Variants in COL13A1 observed in about 807,000 individuals in gnomAD.
The protein encoded by COL13A1 is collagen type XIII alpha 1 chain.
A neutral mutation model predicts 130.9 loss-of-function variants in COL13A1; 89 were observed. The observed-to-expected ratio is 0.68, with a 90% confidence interval of 0.57 to 0.81. The LOEUF is 0.81. COL13A1 is among the 30% of genes least tolerant of loss of function. The pLI is 0.00. For missense variants in COL13A1, 879 were observed against 934.6 expected (o/e 0.94, Z 0.78); for synonymous variants, 402 against 341.6 (o/e 1.18, Z -1.95).
intron 2 of COL13A1, among the ~76,000 whole-genome samples, chr10:69,857,958 A>C (rs933751921): frequency 1.3e-5 from 2 of 152,052 alleles, no homozygotes; most frequent in African/African-American, 4.8e-5. Context: ...TCTACTAAAA[A>C]TACAAAAAAT....
intron 1 of COL13A1, among the ~76,000 whole-genome samples, chr10:69,805,015 G>A (rs1249041945): frequency 6.6e-6 from 1 of 152,112 alleles, no homozygotes; most frequent in African/African-American, 2.4e-5. Context: ...CTTGTTCTAA[G>A]GGGACAAACG....
chr10:69,956,898 T>C (rs1434782734), intron 39 of COL13A1, 106 bp from the exon 40 acceptor site: 1 of 836,324 alleles, frequency 1.2e-6, no homozygotes, highest in Non-Finnish European at 2.1e-6. Context: ...GTGGGCCACA[T>C]CCTGATCAGC....
At chr10:69,890,125 G>A (rs1421562909) in intron 10 of COL13A1, among the ~76,000 whole-genome samples, 1 of 152,094 alleles carries the variant, frequency 6.6e-6, no homozygotes, top group East Asian at 1.9e-4. Context: ...AAAAGGTGGA[G>A]AGACAACATT....
chr10:69,858,115 C>CAAAAAAAAAAAAAAAAAAAA (rs573668102), intron 2 of COL13A1, among the ~76,000 whole-genome samples: 1 of 80,384 alleles, frequency 1.2e-5, no homozygotes, highest in Non-Finnish European at 2.2e-5. Flanking sequence ...GACTCCGTCT[C>CAAAAAAAAAAAAAAAAAAAA]AAAAAAAAAA....
At chr10:69,942,116 G>A (rs118180761) in intron 35 of COL13A1, among the ~76,000 whole-genome samples, 10 of 152,300 alleles carry the variant, frequency 6.6e-5, no homozygotes, top group East Asian at 3.9e-4. Flanking sequence ...ACTTGCAACC[G>A]GCACCAAGAG....
At position 69,802,292 on chromosome 10, in the gene COL13A1, A is replaced by T; in HGVS notation, c.-132A>T. On this transcript the variant is annotated 5_prime_UTR_variant, in exon 1 of 41. Coordinates refer to ENST00000645393, the MANE Select transcript of COL13A1 (RefSeq NM_001368882.1). ...TTTTTCCGTCCTCTTTGCCGGGAGC[A>T]GCGGAAAGGGACGTTTTCCAGCGAT... is the stretch of plus-strand genomic sequence containing the variant. 3.7e-6 allele frequency: 4 copies of T among 1,090,484 alleles called. No homozygotes were observed. The highest frequency in any genetic ancestry group is 4.8e-6 in the Non-Finnish European group (4 of 828,068). 67.6% of individuals were successfully genotyped at this position (1,090,484 alleles called of 1,614,324 possible).
chr10:69,853,023 G>A (rs949071418), intron 2 of COL13A1, among the ~76,000 whole-genome samples: 8 of 152,124 alleles, frequency 5.3e-5, no homozygotes, highest in Non-Finnish European at 1.0e-4. Flanking sequence ...GGAGCGGGGG[G>A]AGGTATGGGG....
chr10:69,891,538 A>G (rs2061170852), intron 10 of COL13A1, among the ~76,000 whole-genome samples: 2 of 152,154 alleles, frequency 1.3e-5, no homozygotes, highest in African/African-American at 4.8e-5. Context: ...CCTCTCCATC[A>G]CAGCTGCCTC....
At position 69,863,765 on chromosome 10, in the gene COL13A1, T is replaced by C. The variant is rs73267782; in HGVS notation, c.365-4033T>C. Among the ~76,000 whole-genome samples, 836 of 152,214 alleles carry C rather than the reference T, an allele frequency of 5.5e-3. 12 individuals are homozygous for C. Among genetic ancestry groups the C allele is most frequent in the African/African-American group, 0.019 (795 of 41,522 alleles). ...CCAAATTCAAATCCAGGCCCTACCATATGGAAATAAAAGTTAAACAATCAA... is the reference window on the plus strand; with the variant it reads ...CCAAATTCAAATCCAGGCCCTACCACATGGAAATAAAAGTTAAACAATCAA... On this transcript the variant is annotated intron_variant, in intron 2 of 40. Transcript: ENST00000645393.
At chr10:69,953,973 A>AAGGGGAGCCGGGGTT (rs1401373355) in intron 39 of COL13A1, 1 of 153,040 alleles carries the variant, frequency 6.5e-6, no homozygotes, top group Non-Finnish European at 1.5e-5. Context: ...AAAGGAGAGA[A>AAGGGGAGCCGGGGTT]AGGGGAGCCG....
chr10:69,808,094 T>C (rs1333396047), intron 1 of COL13A1, among the ~76,000 whole-genome samples: 1 of 152,234 alleles, frequency 6.6e-6, no homozygotes, highest in Non-Finnish European at 1.5e-5. Context: ...GGAGAATTAC[T>C]AGAGCTCTGC....
At position 69,883,814 on chromosome 10, in the gene COL13A1, C is replaced by G. The variant is rs548133700; in HGVS notation, c.513+3261C>G. Reference sequence around the variant, plus strand: ...GGGACATGACCAGATTTGCAGTTTACAAGGTTGTAGAAGGTCCAGCATGCA... The same window carrying G: ...GGGACATGACCAGATTTGCAGTTTAGAAGGTTGTAGAAGGTCCAGCATGCA... On this transcript the variant is annotated intron_variant, in intron 7 of 40. Transcript: ENST00000645393. Among the ~76,000 whole-genome samples the G allele has an allele frequency of 3.9e-5, 6 of 152,292 alleles. No individual in the cohort carries two copies. The East Asian group carries it at 1.2e-3, about 29-fold the overall frequency.
chr10:69,887,970 A>G (rs1409983237), intron 8 of COL13A1, among the ~76,000 whole-genome samples: 2 of 152,090 alleles, frequency 1.3e-5, no homozygotes, highest in South Asian at 2.1e-4. Flanking sequence ...CCCAACCTCA[A>G]TGCAGGCCAG....
chr10:69,958,073 C>T (rs10999055), intron 40 of COL13A1, among the ~76,000 whole-genome samples: 3,159 of 152,112 alleles, frequency 0.021, 37 homozygotes, highest in South Asian at 0.038. Flanking sequence ...GACCACCTAC[C>T]TGCCTGGATA....
At chr10:69,809,494 GA>G (rs1350259348) in intron 1 of COL13A1, among the ~76,000 whole-genome samples, 2 of 152,244 alleles carry the variant, frequency 1.3e-5, no homozygotes, top group Non-Finnish European at 2.9e-5. Flanking sequence ...TCTTACAGAA[GA>G]GAGAATAGAG....
intron 1 of COL13A1, 89 bp downstream of exon 1, chr10:69,802,806 T>A: frequency 6.5e-7 from 1 of 1,532,408 alleles, no homozygotes; most frequent in East Asian, 2.4e-5. Context: ...CCGCGGGCGC[T>A]CGCTCTCTGC....
intron 2 of COL13A1, among the ~76,000 whole-genome samples, chr10:69,848,650 C>T (rs1289470494): frequency 6.6e-6 from 1 of 152,238 alleles, no homozygotes; most frequent in African/African-American, 2.4e-5. Context: ...TCACCTGTCG[C>T]CTGACTCACC....
chr10:69,942,249 T>C (rs1201406498), intron 35 of COL13A1, among the ~76,000 whole-genome samples: 1 of 152,220 alleles, frequency 6.6e-6, no homozygotes, highest in Non-Finnish European at 1.5e-5. Flanking sequence ...GATGACAGAC[T>C]TCTTCAGAGC....
intron 2 of COL13A1, among the ~76,000 whole-genome samples, chr10:69,857,104 C>A (rs1856650987): frequency 6.6e-6 from 1 of 152,160 alleles, no homozygotes; most frequent in African/African-American, 2.4e-5. Flanking sequence ...AGTGCCTGCC[C>A]TTGGCCTGAA....
Sources: gnomAD v4.1 joint callset for allele counts (sites outside exome capture counted in the v4.1 genomes callset) on GRCh38, gnomAD v4.1.1 for gene constraint, MANE v1.5 for transcripts, NCBI Gene and HGNC (gene_info 2026-07-23, HGNC 2026-07-21) for gene names.